Variants in C1GALT1 observed in about 807,000 individuals in gnomAD.
C1GALT1 encodes the protein glycoprotein-N-acetylgalactosamine 3-beta-galactosyltransferase 1.
A neutral mutation model predicts 31.0 loss-of-function variants in C1GALT1; 11 were observed. That is an observed-to-expected ratio of 0.36 (90% confidence interval 0.22 to 0.59). The LOEUF (loss-of-function observed/expected upper bound fraction) is 0.59. C1GALT1 is among the 20% of genes least tolerant of loss of function. The pLI is 0.79. For synonymous variants in C1GALT1, 175 were observed against 143.6 expected, an observed-to-expected ratio of 1.22 and a Z score of -1.56; for missense variants, 424 against 425.2, an observed-to-expected ratio of 1.00 and a Z score of 0.03.
Position 7,247,035 on chromosome 7 carries a change from A to G in C1GALT1, c.*3308A>G, listed in dbSNP as rs1562606080. 6.6e-6 allele frequency: 1 copy of G among 152,182 alleles called. No homozygotes were observed. Among genetic ancestry groups the G allele is most frequent in the Non-Finnish European group, 1.5e-5 (1 of 68,024 alleles). The allele number at this position is 152,182 out of a possible 1,614,324, so 9.4% of individuals were successfully genotyped here. On this transcript the variant is annotated 3_prime_UTR_variant, in exon 4 of 4. Transcript: ENST00000436587. ...AGGAAGGGCTCATTAAGTACTAATA[A>G]GTACATAATTTATTAAAAACATACA...
At chr7:7,239,379 C>A (rs10279432) in intron 3 of C1GALT1, among the ~76,000 whole-genome samples, 111,910 of 152,022 alleles carry the variant, frequency 0.74, 42,560 homozygotes, top group East Asian at 0.94. Context: ...TTGAGCAGAA[C>A]CCTGAGTGTT....
At chr7:7,223,026 C>T (rs981162307) in intron 1 of C1GALT1, among the ~76,000 whole-genome samples, 3 of 152,080 alleles carry the variant, frequency 2.0e-5, no homozygotes, top group Non-Finnish European at 2.9e-5. Flanking sequence ...TCTCTCCTAT[C>T]CCCCTCTCCA....
At chr7:7,233,790 G>A (rs988338202) in intron 1 of C1GALT1, among the ~76,000 whole-genome samples, 10 of 152,170 alleles carry the variant, frequency 6.6e-5, no homozygotes, top group Non-Finnish European at 7.3e-5. Context: ...TCCTCCACAA[G>A]CTACAAGTGT....
At chr7:7,226,448 C>T (rs896163632) in intron 1 of C1GALT1, among the ~76,000 whole-genome samples, 5 of 152,000 alleles carry the variant, frequency 3.3e-5, no homozygotes, top group Admixed American at 1.3e-4. Context: ...AGGAAGAAGA[C>T]GTGCGCTCAT....
intron 2 of C1GALT1, among the ~76,000 whole-genome samples, chr7:7,162,848 G>C (rs1317733727): frequency 1.3e-5 from 2 of 152,124 alleles, no homozygotes; most frequent in African/African-American, 4.8e-5. Flanking sequence ...GTTTTGATTT[G>C]CATTTCTCTG....
intron 1 of C1GALT1, among the ~76,000 whole-genome samples, chr7:7,230,117 T>C (rs1782997094): frequency 6.6e-6 from 1 of 152,212 alleles, no homozygotes; most frequent in Admixed American, 6.5e-5. Flanking sequence ...ATAAGATATA[T>C]AATGCAGCAT....
chr7:7,189,304 A>G (rs1780954070), intron 1 of C1GALT1, among the ~76,000 whole-genome samples: 2 of 152,276 alleles, frequency 1.3e-5, no homozygotes, highest in Non-Finnish European at 1.5e-5. Context: ...ATGAAGTGAT[A>G]TATCAAGGCA....
At chr7:7,157,395 A>T (rs1197019403) in exon 2 of C1GALT1, 1 of 152,238 alleles carries the variant, frequency 6.6e-6, no homozygotes, top group Non-Finnish European at 1.5e-5. Context: ...GCTCATGGGG[A>T]TGTTTTTTCA....
chr7:7,190,323 G>T (rs545613312), intron 1 of C1GALT1, among the ~76,000 whole-genome samples: 18 of 151,680 alleles, frequency 1.2e-4, no homozygotes, highest in African/African-American at 4.4e-4. Flanking sequence ...CTACAAAATC[G>T]CGATACATGT....
intron 1 of C1GALT1, among the ~76,000 whole-genome samples, chr7:7,193,628 G>C: frequency 6.6e-6 from 1 of 151,210 alleles, no homozygotes; most frequent in Non-Finnish European, 1.5e-5. Context: ...GGTTGTTTTT[G>C]TTTTTGCTGA....
chr7:7,234,004 C>T (rs1324979547), intron 1 of C1GALT1, among the ~76,000 whole-genome samples: 2 of 152,118 alleles, frequency 1.3e-5, no homozygotes, highest in African/African-American at 2.4e-5. Flanking sequence ...AAAAACAACA[C>T]GACAGGAAGC....
chr7:7,163,446 T>G (rs975835774), intron 2 of C1GALT1, among the ~76,000 whole-genome samples: 24 of 152,040 alleles, frequency 1.6e-4, no homozygotes, highest in Admixed American at 3.3e-4. Context: ...ATTCAACATA[T>G]TGTTGGAAGT....
At chr7:7,161,764 A>G (rs896379395) in intron 2 of C1GALT1, among the ~76,000 whole-genome samples, 2 of 152,156 alleles carry the variant, frequency 1.3e-5, no homozygotes, top group African/African-American at 4.8e-5. Context: ...TATTAAAAAA[A>G]TTAGAAATAT....
intron 1 of C1GALT1, among the ~76,000 whole-genome samples, chr7:7,183,188 A>G (rs1741555407): frequency 6.6e-6 from 1 of 151,558 alleles, no homozygotes; most frequent in African/African-American, 2.4e-5. Flanking sequence ...CGGACCACTT[A>G]GCGGTCCTGC....
intron 1 of C1GALT1, among the ~76,000 whole-genome samples, chr7:7,227,904 A>G (rs949609865): frequency 6.6e-6 from 1 of 152,210 alleles, no homozygotes; most frequent in Admixed American, 6.5e-5. Flanking sequence ...AACTGTAAGA[A>G]ATAAATGCTT....
chr7:7,204,098 T>G (rs1781631201), intron 1 of C1GALT1, among the ~76,000 whole-genome samples: 2 of 48,430 alleles, frequency 4.1e-5, no homozygotes, highest in African/African-American at 1.6e-4. Context: ...TCCTCTTCTG[T>G]TTTTTTTTTT....
intron 1 of C1GALT1, among the ~76,000 whole-genome samples, chr7:7,212,638 G>A (rs993232928): frequency 1.3e-5 from 2 of 152,176 alleles, no homozygotes; most frequent in Non-Finnish European, 2.9e-5. Flanking sequence ...GTCATTGAAG[G>A]ATAGTGGGAT....
At position 7,243,511 on chromosome 7, in the gene C1GALT1, A is replaced by G. The variant is rs1439018494; in HGVS notation, c.889-13A>G. On this transcript the variant is annotated splice_polypyrimidine_tract_variant and intron_variant, in intron 3 of 3. Coordinates refer to ENST00000436587, the MANE Select transcript of C1GALT1 (RefSeq NM_020156.5). ...CTGTTTATTAACAATACCTGTTTCC[A>G]CTACTTTTTTAGGGTCCTGGTTGCT... The G allele has an allele frequency of 1.3e-6, 2 of 1,577,370 alleles. 1 individual carries two copies. The highest frequency in any genetic ancestry group is 2.4e-5 in the South Asian group (2 of 84,634).
In C1GALT1 at chr7:7,214,067, A is replaced by G. The variant is rs73335372; in HGVS notation, c.-17-20236A>G. Among the ~76,000 whole-genome samples the G allele has an allele frequency of 6.0e-3, 919 of 152,276 alleles. 13 individuals are homozygous for G. The highest frequency in any genetic ancestry group is 0.021 in the African/African-American group (892 of 41,540). ...GCATGCTTTCTAATTTATAACTACTATTAGCCATCCCTACAGTGTATTTTC... is the reference window on the plus strand; with the variant it reads ...GCATGCTTTCTAATTTATAACTACTGTTAGCCATCCCTACAGTGTATTTTC... On this transcript the variant is annotated intron_variant, in intron 1 of 3. Transcript: ENST00000436587.
Sources: gnomAD v4.1 joint callset for allele counts (sites outside exome capture counted in the v4.1 genomes callset) on GRCh38, gnomAD v4.1.1 for gene constraint, MANE v1.5 for transcripts, NCBI Gene and HGNC (gene_info 2026-07-23, HGNC 2026-07-21) for gene names.